PRDM11: variants seen among roughly 807,000 people sequenced by gnomAD.
PRDM11 encodes PR/SET domain 11.
In PRDM11, 20 loss-of-function variants were observed where a neutral mutation model predicts 97.8. The ratio of observed to expected loss-of-function variants is 0.20; its 90% CI spans 0.14 to 0.30. PRDM11 has a LOEUF of 0.30. Ranked by LOEUF, PRDM11 falls within the 10% of genes least tolerant of loss-of-function variation. PRDM11 has a pLI of 1.00. For synonymous variants in PRDM11, 599 were observed against 637.7 expected (o/e 0.94, Z 0.91); for missense variants, 1,139 against 1,555.2 (o/e 0.73, Z 4.50).
At chr11:45,225,480 C>T (rs1236154203) in intron 7 of PRDM11, among the ~76,000 whole-genome samples, 1 of 152,214 alleles carries the variant, frequency 6.6e-6, no homozygotes, top group East Asian at 1.9e-4. Context: ...CTTTTAACCA[C>T]ATCCCTTAGC....
At chr11:45,177,226 G>T (rs1193384140) in intron 1 of PRDM11, among the ~76,000 whole-genome samples, 1 of 152,236 alleles carries the variant, frequency 6.6e-6, no homozygotes, top group Admixed American at 6.5e-5. Flanking sequence ...GCTGCATTCT[G>T]CCCCCTTCTT....
intron 5 of PRDM11, among the ~76,000 whole-genome samples, chr11:45,218,845 G>A (rs1854030355): frequency 6.6e-6 from 1 of 152,206 alleles, no homozygotes; most frequent in Admixed American, 6.5e-5. Context: ...CCACATAGGA[G>A]CCATGAGTTA....
At chr11:45,168,957 C>A (rs776162079) in intron 1 of PRDM11, among the ~76,000 whole-genome samples, 1 of 152,248 alleles carries the variant, frequency 6.6e-6, no homozygotes, top group Non-Finnish European at 1.5e-5. Flanking sequence ...TGTGGCTGAC[C>A]GGGTACTTGG....
At chr11:45,211,337 G>A (rs1158003814) in intron 5 of PRDM11, among the ~76,000 whole-genome samples, 1 of 150,656 alleles carries the variant, frequency 6.6e-6, no homozygotes, top group Non-Finnish European at 1.5e-5. Flanking sequence ...TCACCTTCCT[G>A]GGGGGTGGTT....
chr11:45,122,314 T>G (rs565552650), intron 1 of PRDM11, among the ~76,000 whole-genome samples: 2 of 72,014 alleles, frequency 2.8e-5, no homozygotes, highest in African/African-American at 1.5e-4. Flanking sequence ...ATCATGGTAT[T>G]TTTTTTATTA....
chr11:45,167,928 T>G (rs1852106607), intron 1 of PRDM11, among the ~76,000 whole-genome samples: 1 of 152,178 alleles, frequency 6.6e-6, no homozygotes, highest in Non-Finnish European at 1.5e-5. Context: ...TTTAGACTAG[T>G]GCATCTCCAA....
At chr11:45,184,613 T>C (rs1852636598) in intron 4 of PRDM11, among the ~76,000 whole-genome samples, 1 of 152,152 alleles carries the variant, frequency 6.6e-6, no homozygotes, top group South Asian at 2.1e-4. Flanking sequence ...ATCTGCAGTC[T>C]CCCAACAGGT....
intron 1 of PRDM11, among the ~76,000 whole-genome samples, chr11:45,150,341 G>C (rs1051654007): frequency 1.2e-4 from 18 of 152,280 alleles, no homozygotes; most frequent in African/African-American, 4.3e-4. Flanking sequence ...CCCACTTATT[G>C]GTGTAATGAT....
chr11:45,171,949 C>T (rs978462792), intron 1 of PRDM11, among the ~76,000 whole-genome samples: 10 of 152,188 alleles, frequency 6.6e-5, no homozygotes, highest in African/African-American at 2.4e-4. Flanking sequence ...AGAGCTGGTG[C>T]AGACCCCACA....
intron 6 of PRDM11, among the ~76,000 whole-genome samples, chr11:45,222,753 T>C (rs1275187874): frequency 1.3e-5 from 2 of 152,210 alleles, no homozygotes; most frequent in African/African-American, 4.8e-5. Flanking sequence ...TCTGGACTGC[T>C]TATTGGCAAA....
At chr11:45,113,495 G>GT (rs1364492716) in intron 1 of PRDM11, among the ~76,000 whole-genome samples, 3 of 152,072 alleles carry the variant, frequency 2.0e-5, no homozygotes, top group Non-Finnish European at 4.4e-5. Flanking sequence ...AATGATTATG[G>GT]TATTTTGATG....
At chr11:45,158,921 C>A (rs868624749) in intron 1 of PRDM11, among the ~76,000 whole-genome samples, 1 of 152,144 alleles carries the variant, frequency 6.6e-6, no homozygotes, top group Non-Finnish European at 1.5e-5. Context: ...ACAGTCTGGC[C>A]CCTTTGCTCA....
chr11:45,113,822 GTGTTT>G (rs1481251017), intron 1 of PRDM11, among the ~76,000 whole-genome samples: 9 of 71,452 alleles, frequency 1.3e-4, no homozygotes, highest in African/African-American at 3.9e-4. Context: ...GTGTGTGTGT[GTGTTT>G]TGTTTTTTTT....
chr11:45,170,342 CA>C (rs57905590), intron 1 of PRDM11, among the ~76,000 whole-genome samples: 5 of 145,362 alleles, frequency 3.4e-5, no homozygotes, highest in African/African-American at 7.7e-5. Flanking sequence ...GACACTGTCT[CA>C]AAAAAAAAAG....
Position 45,229,025 on chromosome 11 carries a change from A to G in PRDM11, c.*866A>G, listed in dbSNP as rs1854344532. The G allele has an allele frequency of 6.6e-6, 1 of 152,194 alleles. No homozygotes were observed. Among genetic ancestry groups the G allele is most frequent in the Admixed American group, 6.5e-5 (1 of 15,278 alleles). 9.4% of individuals were successfully genotyped at this position (152,194 alleles called of 1,614,324 possible). On this transcript the variant is annotated 3_prime_UTR_variant, in exon 8 of 8. Transcript: ENST00000683152. ...TTTTTACGAGGTGGAGGATAAAACA[A>G]TATAATTCCATTCCAATCCAGGGCT...
chr11:45,213,984 G>T (rs1462922880), intron 5 of PRDM11: 1 of 336,936 alleles, frequency 3.0e-6, no homozygotes, highest in Non-Finnish European at 5.9e-6. Context: ...GAGGTGGGAG[G>T]CACCTAGCAT....
chr11:45,185,574 G>C (rs1387233263), intron 4 of PRDM11, among the ~76,000 whole-genome samples: 1 of 152,156 alleles, frequency 6.6e-6, no homozygotes, highest in Non-Finnish European at 1.5e-5. Flanking sequence ...CTGCTGAAGT[G>C]CTTGAGTGTA....
intron 4 of PRDM11, among the ~76,000 whole-genome samples, chr11:45,204,103 G>T (rs1406657212): frequency 1.3e-5 from 2 of 152,184 alleles, no homozygotes; most frequent in African/African-American, 4.8e-5. Flanking sequence ...AGTCTTTTTA[G>T]CAGTCTTCAG....
intron 1 of PRDM11, among the ~76,000 whole-genome samples, chr11:45,122,490 C>T (rs1281211193): frequency 7.1e-6 from 1 of 141,022 alleles, no homozygotes; most frequent in Non-Finnish European, 1.5e-5. Flanking sequence ...TCCCTCCCCC[C>T]TCCCTCCACC....
Sources: allele counts gnomAD v4.1 joint callset (sites outside exome capture counted in the v4.1 genomes callset), GRCh38; gene constraint gnomAD v4.1.1; transcripts MANE v1.5; gene names NCBI Gene and HGNC (gene_info 2026-07-23, HGNC 2026-07-21).